SORCS2: variants seen among roughly 807,000 people sequenced by gnomAD.
SORCS2 encodes the protein VPS10 domain-containing receptor SorCS2.
In SORCS2, 100 loss-of-function variants were observed where a neutral mutation model predicts 141.6. That is an observed-to-expected ratio of 0.71 (90% CI 0.60 to 0.83). The LOEUF is 0.83. SORCS2 is among the 40% of genes least tolerant of loss of function. The pLI, the probability that SORCS2 is intolerant of heterozygous loss-of-function variation, is 0.00. For missense variants in SORCS2, 1,646 were observed against 1,560.2 expected (o/e 1.05, Z -0.93); for synonymous variants, 789 against 676.9 (o/e 1.17, Z -2.57).
At position 7,741,147 on chromosome 4, in the gene SORCS2, G is replaced by C. The variant is rs1712636811; in HGVS notation, c.*883G>C. The C allele has an allele frequency of 5.0e-6, 2 of 398,556 alleles. No individual in the cohort carries two copies. The highest frequency in any genetic ancestry group is 8.8e-6 in the Non-Finnish European group (2 of 226,132). The allele number at this position is 398,556 out of a possible 1,614,324, so 24.7% of individuals were successfully genotyped here. On this transcript the variant is annotated 3_prime_UTR_variant, in exon 27 of 27. Transcript: ENST00000507866. ...GAAGGAGCCAGATGCCCCCAGAAAG[G>C]TGGGTGGTGGAGACGGCACCAGATG... is the stretch of plus-strand genomic sequence containing the variant.
intron 14 of SORCS2, among the ~76,000 whole-genome samples, chr4:7,709,519 C>A (rs895485746): frequency 6.6e-6 from 1 of 152,206 alleles, no homozygotes; most frequent in African/African-American, 2.4e-5. Flanking sequence ...CTCCAGACCC[C>A]CTGGTTCACA....
chr4:7,495,956 G>C (rs1731589872), intron 2 of SORCS2, among the ~76,000 whole-genome samples: 1 of 152,222 alleles, frequency 6.6e-6, no homozygotes, highest in Non-Finnish European at 1.5e-5. Flanking sequence ...AGACTGTTGG[G>C]AATGTTGCCT....
At chr4:7,410,610 A>G (rs1160989511) in intron 2 of SORCS2, among the ~76,000 whole-genome samples, 1 of 152,022 alleles carries the variant, frequency 6.6e-6, no homozygotes, top group Non-Finnish European at 1.5e-5. Flanking sequence ...CATTACCTAA[A>G]ATGTCCCATT....
intron 2 of SORCS2, among the ~76,000 whole-genome samples, chr4:7,448,033 G>C (rs926178890): frequency 6.6e-6 from 1 of 152,182 alleles, no homozygotes; most frequent in Non-Finnish European, 1.5e-5. Context: ...CTCGTGCTGG[G>C]GTCAGCGGAG....
At chr4:7,672,051 C>T (rs926363643) in intron 8 of SORCS2, among the ~76,000 whole-genome samples, 3 of 150,782 alleles carry the variant, frequency 2.0e-5, no homozygotes, top group Non-Finnish European at 2.9e-5. Context: ...TCAAGCAATT[C>T]TCCTGCCTCA....
chr4:7,586,242 T>G (rs1020017098), intron 3 of SORCS2, among the ~76,000 whole-genome samples: 1 of 152,218 alleles, frequency 6.6e-6, no homozygotes, highest in African/African-American at 2.4e-5. Flanking sequence ...TGGGAGAGCT[T>G]TGCAAGTCTG....
At chr4:7,620,026 TC>T in intron 3 of SORCS2, among the ~76,000 whole-genome samples, 1 of 149,930 alleles carries the variant, frequency 6.7e-6, no homozygotes, top group Non-Finnish European at 1.5e-5. Flanking sequence ...TCCTTCCTCC[TC>T]CTCCTCCTTC....
chr4:7,255,481 T>A (rs894259303), intron 1 of SORCS2, among the ~76,000 whole-genome samples: 1 of 151,978 alleles, frequency 6.6e-6, no homozygotes, highest in Non-Finnish European at 1.5e-5. Context: ...AGAGAGGGTG[T>A]GCTGGGGAGG....
rs1359678825 is a variant in SORCS2, at chr4:7,734,392, C to A, written c.3311+18C>A. 6.7e-7 allele frequency: 1 copy of A among 1,493,098 alleles called. No homozygotes were observed. The highest frequency in any genetic ancestry group is 2.5e-5 in the East Asian group (1 of 40,064). The allele number at this position is 1,493,098 out of a possible 1,614,324, so 92.5% of individuals were successfully genotyped here. ...TTCAAAAGGCAAGGCCCTTGGCTGC[C>A]CTCCTCTGCGGGGCTCTGACCATGG... is the stretch of plus-strand genomic sequence containing the variant. On this transcript the variant is annotated intron_variant, in intron 25 of 26. Transcript: ENST00000507866.
intron 3 of SORCS2, among the ~76,000 whole-genome samples, chr4:7,599,823 CT>C (rs1370483227): frequency 2.3e-3 from 318 of 139,020 alleles, no homozygotes; most frequent in Middle Eastern, 3.7e-3. Context: ...TTTCTTTTTT[CT>C]TTTTTTTTTT....
At chr4:7,374,127 CCCTCTTTCTTTCTTT>C (rs1722461531) in intron 1 of SORCS2, among the ~76,000 whole-genome samples, 1 of 15,764 alleles carries the variant, frequency 6.3e-5, no homozygotes, top group Non-Finnish European at 1.3e-4. Context: ...TTCTTTCTTT[CCCTCTTTCTTTCTTT>C]CTTTCTTTCT....
intron 14 of SORCS2, among the ~76,000 whole-genome samples, chr4:7,704,864 G>A (rs962095619): frequency 1.3e-5 from 2 of 152,172 alleles, no homozygotes; most frequent in African/African-American, 4.8e-5. Context: ...GGGTGCCCTC[G>A]AACATGGGCC....
intron 2 of SORCS2, among the ~76,000 whole-genome samples, chr4:7,519,130 C>G (rs1052901472): frequency 1.8e-4 from 27 of 152,218 alleles, no homozygotes; most frequent in African/African-American, 6.3e-4. Context: ...GCAGGCATAT[C>G]TGCTGGAGGT....
intron 10 of SORCS2, among the ~76,000 whole-genome samples, chr4:7,688,382 G>A (rs1159468705): frequency 5.3e-5 from 8 of 152,142 alleles, no homozygotes; most frequent in African/African-American, 1.7e-4. Context: ...CAGTTCTAGC[G>A]TACTTCTAAG....
At chr4:7,586,401 T>C (rs1314706934) in intron 3 of SORCS2, among the ~76,000 whole-genome samples, 2 of 152,206 alleles carry the variant, frequency 1.3e-5, no homozygotes. Flanking sequence ...TGTGCCATAG[T>C]GGTTTGCTGC....
At chr4:7,265,364 G>T (rs1322180622) in intron 1 of SORCS2, among the ~76,000 whole-genome samples, 1 of 152,178 alleles carries the variant, frequency 6.6e-6, no homozygotes, top group Non-Finnish European at 1.5e-5. Context: ...GCTGGTGTGT[G>T]CCTGTGGTCC....
chr4:7,633,009 C>T (rs1429841322), intron 3 of SORCS2, among the ~76,000 whole-genome samples: 1 of 152,160 alleles, frequency 6.6e-6, no homozygotes, highest in Non-Finnish European at 1.5e-5. Flanking sequence ...AACAGGCTCA[C>T]ATGTATAAAT....
At chr4:7,543,577 A>C (rs1231742213) in intron 3 of SORCS2, among the ~76,000 whole-genome samples, 14 of 113,510 alleles carry the variant, frequency 1.2e-4, no homozygotes, top group African/African-American at 4.9e-4. Flanking sequence ...CCATTCACCC[A>C]CTCATCCATC....
At chr4:7,613,435 G>A (rs1401638654) in intron 3 of SORCS2, among the ~76,000 whole-genome samples, 1 of 152,186 alleles carries the variant, frequency 6.6e-6, no homozygotes, top group Non-Finnish European at 1.5e-5. Flanking sequence ...AGCAGGGTAG[G>A]CCTGGGCCGC....
Sources: gnomAD v4.1 joint callset for allele counts (sites outside exome capture counted in the v4.1 genomes callset) on GRCh38, gnomAD v4.1.1 for gene constraint, MANE v1.5 for transcripts, NCBI Gene and HGNC (gene_info 2026-07-23, HGNC 2026-07-21) for gene names.